ST6GALNAC5: variants seen among roughly 807,000 people sequenced by gnomAD.
The protein encoded by ST6GALNAC5 is alpha-N-acetylgalactosaminide alpha-2,6-sialyltransferase 5.
In ST6GALNAC5, 27 loss-of-function variants were observed where a neutral mutation model predicts 33.6. The observed-to-expected ratio is 0.80, with a 90% CI of 0.59 to 1.11. The LOEUF is 1.11. Among genes scored for constraint, ST6GALNAC5 ranks in the 50% least tolerant of loss-of-function variants. The pLI, the probability that ST6GALNAC5 is intolerant of heterozygous loss-of-function variation, is 0.00. For missense variants in ST6GALNAC5, 428 were observed against 454.0 expected, an observed-to-expected ratio of 0.94 and a Z score of 0.52; for synonymous variants, 194 against 171.2, an observed-to-expected ratio of 1.13 and a Z score of -1.04.
chr1:77,045,384 G>A lies in ST6GALNAC5; in HGVS notation c.671+771G>A, dbSNP rs1049170820. ...TTTCAGTTTGATAGAGATGGAGATA[G>A]ATGGATAGGGATTTCTTCTCAAAGT... On this transcript the variant is annotated intron_variant, in intron 3 of 4. Transcript: ENST00000477717. 2.0e-5 allele frequency among the ~76,000 whole-genome samples: 3 copies of A among 152,194 alleles called. No individual in the cohort carries two copies. The East Asian group carries it at 5.8e-4, about 29-fold the overall frequency.
chr1:76,965,218 C>CCG (rs1553168906), intron 2 of ST6GALNAC5, among the ~76,000 whole-genome samples: 1 of 151,292 alleles, frequency 6.6e-6, no homozygotes, highest in African/African-American at 2.4e-5. Flanking sequence ...GTTTACCACC[C>CCG]CCCCCACCAA....
intron 2 of ST6GALNAC5, among the ~76,000 whole-genome samples, chr1:76,966,007 T>C (rs527924061): frequency 5.3e-5 from 8 of 152,368 alleles, no homozygotes; most frequent in Non-Finnish European, 8.8e-5. Context: ...TTGGTTACTG[T>C]AGCCTTGTAG....
chr1:77,048,133 C>T (rs1652077681), intron 3 of ST6GALNAC5, among the ~76,000 whole-genome samples: 1 of 152,162 alleles, frequency 6.6e-6, no homozygotes, highest in African/African-American at 2.4e-5. Context: ...CCATTTTACC[C>T]ACAAAGCCTT....
intron 2 of ST6GALNAC5, among the ~76,000 whole-genome samples, chr1:77,037,534 C>A (rs1651691265): frequency 6.6e-6 from 1 of 151,814 alleles, no homozygotes; most frequent in Non-Finnish European, 1.5e-5. Context: ...CATGTGTACC[C>A]CTGCATCTAA....
chr1:76,979,349 C>T (rs1649153620), intron 2 of ST6GALNAC5, among the ~76,000 whole-genome samples: 1 of 152,022 alleles, frequency 6.6e-6, no homozygotes. Context: ...AATAAAGCAA[C>T]AGGTATCACA....
intron 2 of ST6GALNAC5, among the ~76,000 whole-genome samples, chr1:76,961,741 G>A (rs980085866): frequency 6.6e-6 from 1 of 152,166 alleles, no homozygotes. Context: ...CACTTCTTCA[G>A]AAAGTCTTCC....
intron 2 of ST6GALNAC5, among the ~76,000 whole-genome samples, chr1:76,883,062 T>C (rs1357805369): frequency 6.6e-6 from 1 of 152,204 alleles, no homozygotes; most frequent in Non-Finnish European, 1.5e-5. Flanking sequence ...CAACGTTCTC[T>C]TATGTCAGCC....
chr1:77,053,727 A>C (rs1478625589), intron 4 of ST6GALNAC5, among the ~76,000 whole-genome samples: 1 of 152,270 alleles, frequency 6.6e-6, no homozygotes, highest in Non-Finnish European at 1.5e-5. Context: ...AGGAATGCTT[A>C]GCAAAGTCTC....
Position 76,981,183 on chromosome 1 carries a change from G to A in ST6GALNAC5, c.262-63021G>A, listed in dbSNP as rs148440156. Among the ~76,000 whole-genome samples, 1,140 of 152,272 alleles carry A rather than the reference G, an allele frequency of 7.5e-3. 5 individuals are homozygous for A. Among genetic ancestry groups the A allele is most frequent in the Middle Eastern group, 0.014 (4 of 294 alleles). On this transcript the variant is annotated intron_variant, in intron 2 of 4. Transcript: ENST00000477717. The stretch of plus-strand genomic sequence containing the variant: ...CAGAGAGGGCGAGCTGAAGCAGAGC[G>A]GGCATCGCCTCACCAGGGAAGCATG...
intron 2 of ST6GALNAC5, among the ~76,000 whole-genome samples, chr1:76,904,705 A>G (rs908018714): frequency 6.6e-6 from 1 of 152,086 alleles, no homozygotes; most frequent in African/African-American, 2.4e-5. Flanking sequence ...TATGCCTGTA[A>G]TCCCAGCTAC....
intron 2 of ST6GALNAC5, among the ~76,000 whole-genome samples, chr1:77,010,579 G>A (rs1455520860): frequency 6.6e-6 from 1 of 152,094 alleles, no homozygotes; most frequent in Non-Finnish European, 1.5e-5. Context: ...GGCAGCTCTG[G>A]GAAGCTCTGA....
At chr1:76,997,816 T>C (rs1452521011) in intron 2 of ST6GALNAC5, among the ~76,000 whole-genome samples, 1 of 152,126 alleles carries the variant, frequency 6.6e-6, no homozygotes, top group Non-Finnish European at 1.5e-5. Flanking sequence ...CTGAGCAACA[T>C]AGCGAGACCC....
At chr1:77,001,203 T>C (rs12597154) in intron 2 of ST6GALNAC5, among the ~76,000 whole-genome samples, 1 of 128,766 alleles carries the variant, frequency 7.8e-6, no homozygotes, top group Non-Finnish European at 1.6e-5. Context: ...GAAGAGGTCC[T>C]TCACATCCCT....
intron 2 of ST6GALNAC5, among the ~76,000 whole-genome samples, chr1:76,938,851 C>T (rs1191340200): frequency 6.6e-6 from 1 of 152,076 alleles, no homozygotes; most frequent in Non-Finnish European, 1.5e-5. Context: ...TGATCTATTG[C>T]CTGCCTAATT....
chr1:77,041,068 C>T (rs182920196), intron 2 of ST6GALNAC5, among the ~76,000 whole-genome samples: 3 of 152,360 alleles, frequency 2.0e-5, no homozygotes, highest in Admixed American at 2.0e-4. Context: ...TTCTGTTCAG[C>T]TGAGACTATT....
intron 4 of ST6GALNAC5, among the ~76,000 whole-genome samples, chr1:77,055,880 A>G (rs1164541585): frequency 6.6e-6 from 1 of 152,250 alleles, no homozygotes; most frequent in Non-Finnish European, 1.5e-5. Flanking sequence ...AGATTAGTTC[A>G]ATGAGAAACA....
chr1:77,035,141 T>C (rs1055035525), intron 2 of ST6GALNAC5, among the ~76,000 whole-genome samples: 4 of 152,162 alleles, frequency 2.6e-5, no homozygotes, highest in African/African-American at 9.6e-5. Flanking sequence ...AATATTCACA[T>C]TTCTGGCAAG....
intron 2 of ST6GALNAC5, among the ~76,000 whole-genome samples, chr1:76,899,281 G>A (rs935644514): frequency 6.6e-6 from 1 of 152,016 alleles, no homozygotes; most frequent in African/African-American, 2.4e-5. Flanking sequence ...TAGTGAAGGA[G>A]GCAAGCCCAG....
intron 2 of ST6GALNAC5, among the ~76,000 whole-genome samples, chr1:76,914,296 C>T (rs1467297148): frequency 6.6e-6 from 1 of 152,144 alleles, no homozygotes; most frequent in Non-Finnish European, 1.5e-5. Flanking sequence ...ATGCCATCCC[C>T]ATCAAGCTAC....
Sources: gnomAD v4.1 joint callset for allele counts (sites outside exome capture counted in the v4.1 genomes callset) on GRCh38, gnomAD v4.1.1 for gene constraint, MANE v1.5 for transcripts, NCBI Gene and HGNC (gene_info 2026-07-23, HGNC 2026-07-21) for gene names.